DST: variants seen among roughly 807,000 people sequenced by gnomAD.
DST encodes bullous pemphigoid antigen.
DST carries 253 observed loss-of-function variants against 875.2 expected under a neutral mutation model. That is an observed-to-expected ratio of 0.29 (90% CI 0.26 to 0.32). The LOEUF is 0.32. Among genes scored for constraint, DST ranks in the 10% least tolerant of loss-of-function variants. The pLI is 1.00. For synonymous variants in DST, 3,124 were observed against 3,197.1 expected, an observed-to-expected ratio of 0.98 and a Z score of 0.77; for missense variants, 8,287 against 9,111.6, an observed-to-expected ratio of 0.91 and a Z score of 3.68.
chr6:56,823,535 C>T (rs1183020022), intron 4 of DST, among the ~76,000 whole-genome samples: 2 of 152,080 alleles, frequency 1.3e-5, no homozygotes, highest in African/African-American at 2.4e-5. Flanking sequence ...CTCAGCCTCC[C>T]TAGTAGCTGG....
chr6:56,728,675 C>T (rs936516962), intron 5 of DST, among the ~76,000 whole-genome samples: 4 of 150,978 alleles, frequency 2.6e-5, no homozygotes, highest in African/African-American at 7.3e-5. Context: ...GACTCTGTCT[C>T]AAAAAAAATA....
intron 69 of DST, 31 bp from the exon 70 acceptor site, chr6:56,517,651 C>G (rs372248327): frequency 1.9e-6 from 3 of 1,590,236 alleles, no homozygotes. Context: ...TAGGTCAGCA[C>G]GTTCCCGTTC....
At position 56,605,877 on chromosome 6, in the gene DST, A is replaced by T; in HGVS notation, c.8751T>A (p.Leu2917=). 1 of 1,612,670 alleles carries T rather than the reference A, an allele frequency of 6.2e-7. No individual in the cohort carries two copies. The highest frequency in any genetic ancestry group is 2.2e-5 in the East Asian group (1 of 44,820). The change falls in exon 40 of 104, where the codon CTT becomes CTA. Residue 2917 remains leucine (L), a synonymous_variant. Coordinates refer to ENST00000680361, the MANE Select transcript of DST (RefSeq NM_001374736.1). ...TAATGATAGGCGGCAATACATCCTT[A>T]AGTACCATCTCATGGTTCAACAGAT... ...KENLLNHEMV[L]KDVLPPIIKD...
At chr6:56,511,890 A>G (rs1324028101) in intron 72 of DST, among the ~76,000 whole-genome samples, 1 of 152,156 alleles carries the variant, frequency 6.6e-6, no homozygotes, top group Non-Finnish European at 1.5e-5. Context: ...AAGAAAAAAG[A>G]ATAGAAAGAA....
intron 5 of DST, among the ~76,000 whole-genome samples, chr6:56,724,068 A>G (rs1299117558): frequency 1.3e-5 from 2 of 152,226 alleles, no homozygotes; most frequent in East Asian, 3.8e-4. Context: ...TTAAATTTGA[A>G]TTCTATTTAG....
At chr6:56,555,864 C>G (rs192816612) in intron 59 of DST, 24 bp from the exon 60 acceptor site, 1 of 1,450,884 alleles carries the variant, frequency 6.9e-7, no homozygotes, top group Non-Finnish European at 9.1e-7. Flanking sequence ...GGTAAACAAA[C>G]GCAAATTATT....
chr6:56,763,607 G>A (rs953209475), intron 4 of DST, among the ~76,000 whole-genome samples: 13 of 151,602 alleles, frequency 8.6e-5, no homozygotes, highest in African/African-American at 3.2e-4. Flanking sequence ...GGGAGGTGGA[G>A]GTTGCAGTGA....
chr6:56,595,153 A>T (rs936122334), intron 47 of DST, among the ~76,000 whole-genome samples: 17 of 152,180 alleles, frequency 1.1e-4, no homozygotes, highest in African/African-American at 4.1e-4. Flanking sequence ...GAGCCAAATG[A>T]CCCGCTCCCA....
chr6:56,923,887 G>A (rs760841180), intron 2 of DST, among the ~76,000 whole-genome samples: 34 of 152,284 alleles, frequency 2.2e-4, no homozygotes, highest in Non-Finnish European at 4.4e-4. Flanking sequence ...ACTTTGGGAG[G>A]CTGAGGCGGG....
At chr6:56,471,867 C>A in intron 94 of DST, 192 bp downstream of exon 94, 1 of 638,008 alleles carries the variant, frequency 1.6e-6, no homozygotes, top group Non-Finnish European at 2.8e-6. Flanking sequence ...AAATCCAAAT[C>A]CCATATATCA....
At chr6:56,893,028 A>G (rs1161909541) in intron 3 of DST, among the ~76,000 whole-genome samples, 1 of 152,128 alleles carries the variant, frequency 6.6e-6, no homozygotes, top group Non-Finnish European at 1.5e-5. Flanking sequence ...TCCAGAAGTT[A>G]TTGAGGTACA....
intron 4 of DST, among the ~76,000 whole-genome samples, chr6:56,760,908 T>C (rs549607855): frequency 3.3e-5 from 5 of 152,292 alleles, no homozygotes; most frequent in African/African-American, 1.2e-4. Flanking sequence ...CATGTGGTGG[T>C]TTTAAAACAT....
chr6:56,545,578 G>T (rs547071493), intron 61 of DST, among the ~76,000 whole-genome samples: 2 of 151,820 alleles, frequency 1.3e-5, no homozygotes, highest in African/African-American at 2.4e-5. Flanking sequence ...CTTTTAAAAG[G>T]AAAGTCCCTG....
intron 4 of DST, among the ~76,000 whole-genome samples, chr6:56,789,743 T>C (rs1413209612): frequency 6.6e-6 from 1 of 152,224 alleles, no homozygotes; most frequent in Non-Finnish European, 1.5e-5. Context: ...TAGCATTATG[T>C]CCTCAAGGTT....
At chr6:56,876,533 C>G (rs1306574600) in intron 3 of DST, among the ~76,000 whole-genome samples, 1 of 152,174 alleles carries the variant, frequency 6.6e-6, no homozygotes, top group African/African-American at 2.4e-5. Context: ...TTCATCAAGC[C>G]TCATGATGCA....
intron 90 of DST, among the ~76,000 whole-genome samples, chr6:56,478,622 T>C (rs1471638179): frequency 1.3e-5 from 2 of 152,134 alleles, no homozygotes; most frequent in Non-Finnish European, 2.9e-5. Flanking sequence ...TCTTTGCCCT[T>C]AAAAATGTGA....
intron 2 of DST, among the ~76,000 whole-genome samples, chr6:56,922,680 C>T (rs1044470060): frequency 6.6e-6 from 1 of 152,116 alleles, no homozygotes; most frequent in Non-Finnish European, 1.5e-5. Flanking sequence ...CTTCCATATC[C>T]TCCTTCCAGC....
intron 69 of DST, among the ~76,000 whole-genome samples, chr6:56,525,640 C>A (rs980553165): frequency 1.3e-5 from 2 of 152,150 alleles, no homozygotes; most frequent in African/African-American, 4.8e-5. Flanking sequence ...ATCATACTAC[C>A]CCCACACATA....
intron 4 of DST, among the ~76,000 whole-genome samples, chr6:56,822,920 C>T (rs1162054950): frequency 3.3e-5 from 5 of 151,978 alleles, no homozygotes; most frequent in Admixed American, 6.6e-5. Context: ...CTCCGAATCC[C>T]GTGTTCAAGG....
Sources: gnomAD v4.1 joint callset for allele counts (sites outside exome capture counted in the v4.1 genomes callset) on GRCh38, gnomAD v4.1.1 for gene constraint, MANE v1.5 for transcripts, NCBI Gene and HGNC (gene_info 2026-07-23, HGNC 2026-07-21) for gene names.